The following UGGT1 variants were observed in gnomAD, a reference collection of about 807,000 sequenced individuals.
UGGT1 encodes the protein UDP-glucose glycoprotein glucosyltransferase 1.
UGGT1 carries 107 observed loss-of-function variants against 203.9 expected under a neutral mutation model. The ratio of observed to expected loss-of-function variants is 0.52; its 90% CI spans 0.45 to 0.62. UGGT1 has a LOEUF of 0.62. UGGT1 is among the 20% of genes least tolerant of loss of function. UGGT1 has a pLI of 0.00. For synonymous variants in UGGT1, 628 were observed against 653.5 expected (o/e 0.96, Z 0.59); for missense variants, 1,673 against 1,867.2 (o/e 0.90, Z 1.92).
chr2:128,132,092 G>A (rs1176555186), intron 13 of UGGT1, among the ~76,000 whole-genome samples: 2 of 151,986 alleles, frequency 1.3e-5, no homozygotes, highest in African/African-American at 2.4e-5. Context: ...TCTGTCTAGC[G>A]AGTATGAAAT....
intron 34 of UGGT1, among the ~76,000 whole-genome samples, chr2:128,179,014 G>A (rs1432532155): frequency 6.6e-6 from 1 of 152,152 alleles, no homozygotes; most frequent in Non-Finnish European, 1.5e-5. Flanking sequence ...GGCCCCGAGT[G>A]TGAAGGGACT....
rs1229593107 is a variant in UGGT1, at chr2:128,194,158, C to T, written c.*4416C>T. 3.9e-5 allele frequency: 6 copies of T among 152,138 alleles called. No homozygotes were observed. The highest frequency in any genetic ancestry group is 1.2e-4 in the African/African-American group (5 of 41,388). The allele number at this position is 152,138 out of a possible 1,614,324, so 9.4% of individuals were successfully genotyped here. A position where few individuals can be genotyped will look rare whatever the true frequency, so the allele number is the denominator to read the frequency against. On this transcript the variant is annotated 3_prime_UTR_variant, in exon 41 of 41. Transcript: ENST00000259253. ...CCCAGGGTGGAGTACAATGGTGTGA[C>T]CTTGGCTCACTGCAACCTCTGCCTC...
intron 5 of UGGT1, 43 bp downstream of exon 5, chr2:128,109,789 T>C (rs1687767468): frequency 6.0e-6 from 9 of 1,503,580 alleles, no homozygotes; most frequent in Non-Finnish European, 7.4e-6. Context: ...GCATTTCCAG[T>C]GCTGCTTCTG....
intron 37 of UGGT1, among the ~76,000 whole-genome samples, chr2:128,183,413 T>C (rs1028874409): frequency 6.6e-6 from 1 of 152,266 alleles, no homozygotes; most frequent in Non-Finnish European, 1.5e-5. Flanking sequence ...CTGCCGCATA[T>C]GCTAGAAATC....
chr2:128,094,550 T>C (rs1330505259), intron 1 of UGGT1, among the ~76,000 whole-genome samples: 2 of 152,206 alleles, frequency 1.3e-5, no homozygotes, highest in East Asian at 3.9e-4. Context: ...CCTGGGAAGT[T>C]AGGTAACATA....
At chr2:128,170,163 A>G (rs1325531925) in intron 26 of UGGT1, 125 bp from the exon 27 acceptor site, 7 of 716,558 alleles carry the variant, frequency 9.8e-6, no homozygotes, top group African/African-American at 1.8e-5. Context: ...GGCCACTGTC[A>G]TAGTCTAGTC....
chr2:128,191,977 T>G lies in UGGT1; in HGVS notation c.*2235T>G, dbSNP rs1158849308. The G allele has an allele frequency of 6.6e-6, 1 of 152,232 alleles. No individual in the cohort carries two copies. Among genetic ancestry groups the G allele is most frequent in the East Asian group, 1.9e-4 (1 of 5,200 alleles). The allele number at this position is 152,232 out of a possible 1,614,324, so 9.4% of individuals were successfully genotyped here. On this transcript the variant is annotated 3_prime_UTR_variant, in exon 41 of 41. Coordinates refer to ENST00000259253, the MANE Select transcript of UGGT1 (RefSeq NM_020120.4). ...GGCGGAAGTGTGCCTTTTCCCAGTT[T>G]CTCGTCCAGGAGGTTGCATAGCAAA...
At chr2:128,113,449 T>C (rs1360414115) in intron 6 of UGGT1, among the ~76,000 whole-genome samples, 191 bp downstream of exon 6, 1 of 152,236 alleles carries the variant, frequency 6.6e-6, no homozygotes, top group African/African-American at 2.4e-5. Context: ...TGAAGAAATA[T>C]AAAACATGCT....
At chr2:128,137,481 A>G (rs1164967652) in intron 15 of UGGT1, among the ~76,000 whole-genome samples, 1 of 152,176 alleles carries the variant, frequency 6.6e-6, no homozygotes, top group African/African-American at 2.4e-5. Context: ...TTTTGCAAAG[A>G]TTTTCTGCCA....
Position 128,188,186 on chromosome 2 carries a change from A to G in UGGT1, c.4642+572A>G, listed in dbSNP as rs141552099. 4.4e-3 allele frequency among the ~76,000 whole-genome samples: 670 copies of G among 151,714 alleles called. 2 individuals carry two copies. Among genetic ancestry groups the G allele is most frequent in the African/African-American group, 0.015 (636 of 41,380 alleles). On this transcript the variant is annotated intron_variant, in intron 40 of 40. Transcript: ENST00000259253. ...CAGGCATGCACCACCACACCCAGCT[A>G]TTTTTAAATTTTATTTATTTTTTAT...
intron 26 of UGGT1, 77 bp from the exon 27 acceptor site, chr2:128,170,211 T>C (rs1486863407): frequency 1.9e-5 from 22 of 1,179,746 alleles, no homozygotes; most frequent in Non-Finnish European, 1.9e-5. Context: ...CTAAGAAGGT[T>C]GAAGGTTATA....
intron 13 of UGGT1, among the ~76,000 whole-genome samples, chr2:128,129,848 A>G (rs1688791181): frequency 6.6e-6 from 1 of 152,172 alleles, no homozygotes; most frequent in Non-Finnish European, 1.5e-5. Flanking sequence ...TGAAAATGTC[A>G]CTTTTTAGCT....
At chr2:128,107,271 A>G (rs1488869715) in intron 3 of UGGT1, among the ~76,000 whole-genome samples, 1 of 151,866 alleles carries the variant, frequency 6.6e-6, no homozygotes, top group African/African-American at 2.4e-5. Context: ...GGATTTTTTC[A>G]CATTCGTATT....
At chr2:128,185,208 T>G (rs1003867736) in intron 38 of UGGT1, among the ~76,000 whole-genome samples, 7 of 151,790 alleles carry the variant, frequency 4.6e-5, no homozygotes, top group African/African-American at 1.7e-4. Context: ...TCTTTTTTTT[T>G]TTTTTTTGGA....
intron 10 of UGGT1, among the ~76,000 whole-genome samples, chr2:128,122,220 C>T (rs935194214): frequency 1.3e-5 from 2 of 151,840 alleles, no homozygotes; most frequent in African/African-American, 2.4e-5. Context: ...GTGATCCACC[C>T]GCCTTGTCTG....
At chr2:128,117,399 C>G (rs949578284) in intron 8 of UGGT1, among the ~76,000 whole-genome samples, 5 of 152,072 alleles carry the variant, frequency 3.3e-5, no homozygotes, top group African/African-American at 1.2e-4. Context: ...TCAGAAAAAA[C>G]ATTTTATTAG....
chr2:128,180,774 A>C lies in UGGT1; in HGVS notation c.3901-116A>C, dbSNP rs191046457. 101 of 1,085,334 alleles carry C rather than the reference A, an allele frequency of 9.3e-5. No homozygotes were observed. In the East Asian group the frequency reaches 1.8e-3, roughly 19 times the overall value. The allele number at this position is 1,085,334 out of a possible 1,614,324, so 67.2% of individuals were successfully genotyped here. On this transcript the variant is annotated intron_variant, in intron 35 of 40. Transcript: ENST00000259253. Reference sequence around the variant, plus strand: ...GGTCACGGCCGGTCTTTGTAAGACCACTGTTTTGGTAAATGTGTTTTATTT... The same window carrying C: ...GGTCACGGCCGGTCTTTGTAAGACCCCTGTTTTGGTAAATGTGTTTTATTT...
Position 128,161,131 on chromosome 2 carries a change from T to G in UGGT1, c.2695-7T>G, listed in dbSNP as rs746115926. 6.2e-7 allele frequency: 1 copy of G among 1,613,688 alleles called. No homozygotes were observed. Among genetic ancestry groups the G allele is most frequent in the Non-Finnish European group, 8.5e-7 (1 of 1,179,810 alleles). On this transcript the variant is annotated splice_polypyrimidine_tract_variant and splice_region_variant and intron_variant, in intron 24 of 40. Transcript: ENST00000259253. ...GAGCTAAGCGCCTGCTCTTCTCTCC[T>G]TCACAGATCATTGGGCCACTGGAGG...
rs141579640 is a variant in UGGT1 at position 128,146,602 on chromosome 2, G to C, written c.2016+635G>C. On this transcript the variant is annotated intron_variant, in intron 18 of 40. Coordinates refer to ENST00000259253, the MANE Select transcript of UGGT1 (RefSeq NM_020120.4). The stretch of plus-strand genomic sequence containing the variant: ...TAGTTCTTGAGATATAATTCAGACA[G>C]TATAAAAGTCAGTCTTTTGAACGGT... Among the ~76,000 whole-genome samples, 674 of 152,070 alleles carry C rather than the reference G, an allele frequency of 4.4e-3. 2 individuals carry two copies. Among genetic ancestry groups the C allele is most frequent in the African/African-American group, 0.015 (640 of 41,518 alleles).
Sources: gnomAD v4.1 joint callset for allele counts (sites outside exome capture counted in the v4.1 genomes callset) on GRCh38, gnomAD v4.1.1 for gene constraint, MANE v1.5 for transcripts, NCBI Gene and HGNC (gene_info 2026-07-23, HGNC 2026-07-21) for gene names.